PPP1R36: variants seen among roughly 807,000 people sequenced by gnomAD.
PPP1R36 encodes the protein chromosome 14 open reading frame 50.
PPP1R36 carries 47 observed loss-of-function variants against 53.4 expected under a neutral mutation model. That is an observed-to-expected ratio of 0.88 (90% CI 0.70 to 1.12). The LOEUF is 1.12. Among genes scored for constraint, PPP1R36 ranks in the 50% most tolerant of loss-of-function variants. The pLI, the probability that PPP1R36 is intolerant of heterozygous loss-of-function variation, is 0.00. For synonymous variants in PPP1R36, 153 were observed against 170.5 expected, an observed-to-expected ratio of 0.90 and a Z score of 0.80; for missense variants, 456 against 513.9, an observed-to-expected ratio of 0.89 and a Z score of 1.09.
intron 8 of PPP1R36, among the ~76,000 whole-genome samples, chr14:64,580,251 T>C (rs1264246303): frequency 1.3e-5 from 2 of 152,144 alleles, no homozygotes; most frequent in Non-Finnish European, 2.9e-5. Context: ...CAATGTGTCA[T>C]GATTGTGCTA....
chr14:64,566,032 G>A (rs1204665893), intron 6 of PPP1R36, among the ~76,000 whole-genome samples: 1 of 152,206 alleles, frequency 6.6e-6, no homozygotes. Flanking sequence ...CATTTTGGGA[G>A]GCCGAGGCAG....
At chr14:64,561,827 C>T (rs1486674389) in intron 3 of PPP1R36, 1 of 455,942 alleles carries the variant, frequency 2.2e-6, no homozygotes, top group Admixed American at 2.3e-5. Context: ...AGCAGTCTGC[C>T]TGAATGTTTG....
At position 64,550,007 on chromosome 14, in the gene PPP1R36, G is replaced by T. The variant is rs567652176; in HGVS notation, c.10G>T (p.Val4Leu). ...CTTCCAGGGCGAGGCCATGTACCGGGTGCCCGAGTTTTATGCGAGGAGGAA... is the reference window on the plus strand; with the variant it reads ...CTTCCAGGGCGAGGCCATGTACCGGTTGCCCGAGTTTTATGCGAGGAGGAA... The part of the protein sequence containing the change: MYR[V>L]PEFYARRKRL... Residue 4 changes from valine (V) to leucine (L), a missense_variant, in exon 1 of 12, where the codon GTG becomes TTG. Coordinates refer to ENST00000298705, the MANE Select transcript of PPP1R36 (RefSeq NM_172365.3). The T allele has an allele frequency of 6.4e-6, 10 of 1,571,834 alleles. No individual in the cohort carries two copies. The Admixed American group carries it at 1.1e-4, about 17-fold the overall frequency.
chr14:64,551,070 A>G (rs2080090872), intron 2 of PPP1R36, 85 bp downstream of exon 2: 1 of 842,702 alleles, frequency 1.2e-6, no homozygotes. Flanking sequence ...AGTATAGAGA[A>G]TAAATACCCA....
chr14:64,553,669 A>T (rs1360099424), intron 3 of PPP1R36, among the ~76,000 whole-genome samples: 1 of 152,118 alleles, frequency 6.6e-6, no homozygotes, highest in Non-Finnish European at 1.5e-5. Context: ...ATCAACTGGT[A>T]GCAGTGGGAG....
At chr14:64,587,923 T>G (rs907865054) in intron 10 of PPP1R36, among the ~76,000 whole-genome samples, 181 bp from the exon 11 acceptor site, 4 of 152,038 alleles carry the variant, frequency 2.6e-5, no homozygotes, top group African/African-American at 9.7e-5. Flanking sequence ...TAAAATTTTT[T>G]GTAGAGACGG....
chr14:64,556,482 C>G (rs930909797), intron 3 of PPP1R36, among the ~76,000 whole-genome samples: 8 of 151,728 alleles, frequency 5.3e-5, no homozygotes, highest in Admixed American at 5.3e-4. Flanking sequence ...TATAAATAGG[C>G]TGGGTGTGGT....
intron 1 of PPP1R36, chr14:64,550,326 A>C: frequency 7.9e-6 from 10 of 1,262,072 alleles, no homozygotes; most frequent in East Asian, 3.6e-5. Flanking sequence ...ACCACCTCTA[A>C]TTGGTTGGTT....
chr14:64,565,181 T>C (rs1454994210), intron 4 of PPP1R36, among the ~76,000 whole-genome samples, 176 bp from the exon 5 acceptor site: 1 of 152,208 alleles, frequency 6.6e-6, no homozygotes, highest in Non-Finnish European at 1.5e-5. Context: ...TGCCTTAATA[T>C]AGTAAATAAA....
At chr14:64,560,408 T>C (rs1426968835) in intron 3 of PPP1R36, among the ~76,000 whole-genome samples, 2 of 140,772 alleles carry the variant, frequency 1.4e-5, no homozygotes, top group Admixed American at 7.6e-5. Flanking sequence ...ACCACTGCAC[T>C]CCAGCCTAAG....
intron 8 of PPP1R36, among the ~76,000 whole-genome samples, chr14:64,578,081 G>A (rs143761781): frequency 6.7e-5 from 10 of 149,514 alleles, no homozygotes; most frequent in African/African-American, 2.2e-4. Flanking sequence ...GCAATGGCGC[G>A]ATCTCGGCCC....
rs757139774 is a variant in PPP1R36 at position 64,586,875 on chromosome 14, T to C, written c.707T>C (p.Phe236Ser). The C allele has an allele frequency of 6.2e-7, 1 of 1,611,692 alleles. No homozygotes were observed. The highest frequency in any genetic ancestry group is 1.1e-5 in the South Asian group (1 of 90,882). ...GATACACAGAAAGACTGGAAGTTCT[T>C]TGAGGTGAGTCACTTATGTTTTGGT... ...ISDTQKDWKF[F>S]ESFYTFCTYV... Residue 236 changes from phenylalanine (F) to serine (S), a missense_variant, in exon 9 of 12, where the codon TTT becomes TCT. Transcript: ENST00000298705.
At chr14:64,555,372 G>A (rs1011364435) in intron 3 of PPP1R36, among the ~76,000 whole-genome samples, 1 of 152,284 alleles carries the variant, frequency 6.6e-6, no homozygotes, top group East Asian at 1.9e-4. Flanking sequence ...AGATTTTTCC[G>A]AAATAGACGA....
rs1282631107 is a variant in PPP1R36, at chr14:64,560,139, G to A, written c.183-4612G>A. On this transcript the variant is annotated intron_variant, in intron 3 of 11. Transcript: ENST00000298705. ...AAAAAAAAAAAAAAAAAAAAGAACC[G>A]CATCTTAGAAAAGTGGCTGGGCCAG... Among the ~76,000 whole-genome samples the A allele has an allele frequency of 3.6e-4, 38 of 106,972 alleles. 2 individuals are homozygous for A. The East Asian group carries it at 0.011, about 31-fold the overall frequency. The allele number at this position is 106,972 out of a possible 152,430, so 70.2% of individuals were successfully genotyped here.
intron 3 of PPP1R36, among the ~76,000 whole-genome samples, chr14:64,554,142 GTT>G (rs367753961): frequency 2.3e-4 from 15 of 65,258 alleles, no homozygotes; most frequent in African/African-American, 7.5e-4. Flanking sequence ...CATCACAATT[GTT>G]TTTTTTTTTT....
chr14:64,583,676 T>C (rs909235401), intron 8 of PPP1R36, among the ~76,000 whole-genome samples: 36 of 151,504 alleles, frequency 2.4e-4, no homozygotes, highest in Non-Finnish European at 4.7e-4. Context: ...TAGCCAGGCG[T>C]GGTTGCGCAT....
At chr14:64,583,550 C>T (rs944090247) in intron 8 of PPP1R36, among the ~76,000 whole-genome samples, 2 of 152,128 alleles carry the variant, frequency 1.3e-5, no homozygotes, top group African/African-American at 2.4e-5. Flanking sequence ...CGCTGTGGCT[C>T]ACGCCTGTAA....
chr14:64,567,812 C>T (rs145773785), intron 6 of PPP1R36, among the ~76,000 whole-genome samples: 30 of 152,264 alleles, frequency 2.0e-4, no homozygotes, highest in Middle Eastern at 3.4e-3. Context: ...CAGGGATGCA[C>T]CACCACGCCC....
chr14:64,580,901 T>C (rs1020680718), intron 8 of PPP1R36, among the ~76,000 whole-genome samples: 4 of 152,204 alleles, frequency 2.6e-5, no homozygotes, highest in African/African-American at 9.6e-5. Flanking sequence ...CTCTTTCATA[T>C]ATGTGTTACC....
Sources: gnomAD v4.1 joint callset for allele counts (sites outside exome capture counted in the v4.1 genomes callset) on GRCh38, gnomAD v4.1.1 for gene constraint, MANE v1.5 for transcripts, NCBI Gene and HGNC (gene_info 2026-07-23, HGNC 2026-07-21) for gene names.